The following PAPOLG variants were observed in gnomAD, a reference collection of about 807,000 sequenced individuals.
The protein encoded by PAPOLG is PAP-gamma.
In PAPOLG, 40 loss-of-function variants were observed where a neutral mutation model predicts 99.0. The ratio of observed to expected loss-of-function variants is 0.40; its 90% CI spans 0.31 to 0.53. The LOEUF (loss-of-function observed/expected upper bound fraction) is 0.53. Among genes scored for constraint, PAPOLG ranks in the 20% least tolerant of loss-of-function variants. The pLI is 0.41. For missense variants in PAPOLG, 675 were observed against 884.1 expected, an observed-to-expected ratio of 0.76 and a Z score of 3.00; for synonymous variants, 310 against 299.3, an observed-to-expected ratio of 1.04 and a Z score of -0.37.
At chr2:60,790,050 C>T (rs544153093) in intron 15 of PAPOLG, among the ~76,000 whole-genome samples, 39 of 152,234 alleles carry the variant, frequency 2.6e-4, no homozygotes, top group African/African-American at 9.2e-4. Flanking sequence ...GCTGAGATCT[C>T]GCTGTTGCAC....
intron 5 of PAPOLG, 30 bp from the exon 6 acceptor site, chr2:60,770,428 A>G (rs1231165809): frequency 2.6e-6 from 4 of 1,566,720 alleles, no homozygotes; most frequent in South Asian, 2.4e-5. Context: ...GATTACACCT[A>G]TGTGTTATAA....
At chr2:60,788,055 GAA>G (rs922658590) in intron 15 of PAPOLG, among the ~76,000 whole-genome samples, 1 of 144,958 alleles carries the variant, frequency 6.9e-6, no homozygotes, top group African/African-American at 2.5e-5. Context: ...AAGAAAAAAA[GAA>G]AAAAAAAAGC....
intron 6 of PAPOLG, 78 bp from the exon 7 acceptor site, chr2:60,771,441 A>T: frequency 6.8e-7 from 1 of 1,462,724 alleles, no homozygotes; most frequent in Non-Finnish European, 9.0e-7. Context: ...AGCTTTTCAC[A>T]TTTTTTGGTG....
chr2:60,776,254 C>T (rs1345063565), intron 8 of PAPOLG, among the ~76,000 whole-genome samples: 1 of 151,638 alleles, frequency 6.6e-6, no homozygotes, highest in African/African-American at 2.4e-5. Context: ...TTTTTCTGAG[C>T]AGTAGATCTC....
intron 16 of PAPOLG, 88 bp downstream of exon 16, chr2:60,791,970 T>C: frequency 6.7e-7 from 1 of 1,496,454 alleles, no homozygotes; most frequent in South Asian, 1.3e-5. Flanking sequence ...CCCAAACCTA[T>C]TGAGAAAAAT....
intron 6 of PAPOLG, 78 bp from the exon 7 acceptor site, chr2:60,771,441 A>G (rs1018308833): frequency 1.4e-6 from 2 of 1,462,724 alleles, no homozygotes; most frequent in East Asian, 2.5e-5. Flanking sequence ...AGCTTTTCAC[A>G]TTTTTTGGTG....
intron 1 of PAPOLG, among the ~76,000 whole-genome samples, chr2:60,758,331 T>G (rs77133563): frequency 1.5e-4 from 7 of 47,384 alleles, no homozygotes; most frequent in Non-Finnish European, 2.6e-4. Flanking sequence ...TTCTGGGGTT[T>G]TTTTTTTTTT....
intron 2 of PAPOLG, among the ~76,000 whole-genome samples, chr2:60,761,518 A>G (rs1670520755): frequency 6.6e-6 from 1 of 152,192 alleles, no homozygotes. Flanking sequence ...AAAATAGCTC[A>G]AAAACTAAAA....
At chr2:60,780,181 TA>T (rs1448330876) in intron 9 of PAPOLG, among the ~76,000 whole-genome samples, 1 of 152,002 alleles carries the variant, frequency 6.6e-6, no homozygotes, top group Non-Finnish European at 1.5e-5. Context: ...GATTCAGGTG[TA>T]AATTAGTTAC....
chr2:60,795,251 A>G (rs757064655), intron 21 of PAPOLG: 79 of 634,380 alleles, frequency 1.2e-4, no homozygotes, highest in Non-Finnish European at 2.6e-5. Context: ...TTTATTATCT[A>G]TTTAGATTAT....
chr2:60,775,396 A>G (rs1573233735), intron 8 of PAPOLG, among the ~76,000 whole-genome samples: 1 of 152,262 alleles, frequency 6.6e-6, no homozygotes, highest in East Asian at 1.9e-4. Context: ...GAAGACTGAT[A>G]CCCTCCCTGT....
chr2:60,791,746 T>A lies in PAPOLG; in HGVS notation c.1397-15T>A. ...AGAAAGAAGTTTCCCATTTAACATATTAACATTGTTACAGTGTACAGACAG... is the reference window on the plus strand; with the variant it reads ...AGAAAGAAGTTTCCCATTTAACATAATAACATTGTTACAGTGTACAGACAG... On this transcript the variant is annotated splice_polypyrimidine_tract_variant and intron_variant, in intron 15 of 21. Coordinates refer to ENST00000238714, the MANE Select transcript of PAPOLG (RefSeq NM_022894.4). The A allele has an allele frequency of 6.3e-7, 1 of 1,582,636 alleles. No individual in the cohort carries two copies. Among genetic ancestry groups the A allele is most frequent in the Non-Finnish European group, 8.5e-7 (1 of 1,170,586 alleles).
At chr2:60,774,969 G>C in intron 7 of PAPOLG, 65 bp from the exon 8 acceptor site, 3 of 1,601,090 alleles carry the variant, frequency 1.9e-6, no homozygotes, top group Non-Finnish European at 2.6e-6. Flanking sequence ...CTGGAAGTTA[G>C]GAGGGCATTT....
chr2:60,797,446 A>G lies in PAPOLG; in HGVS notation c.*286A>G, dbSNP rs529679603. 3.4e-5 allele frequency: 12 copies of G among 348,612 alleles called. No individual in the cohort carries two copies. The highest frequency in any genetic ancestry group is 2.3e-4 in the African/African-American group (11 of 47,684). 21.6% of individuals were successfully genotyped at this position (348,612 alleles called of 1,614,324 possible). On this transcript the variant is annotated 3_prime_UTR_variant, in exon 22 of 22. Transcript: ENST00000238714. ...GGGGGTTTTACTGCCTTAACTTTCA[A>G]TGCTTGTTATGGGAACCAGTTCTTA... is the stretch of plus-strand genomic sequence containing the variant.
intron 1 of PAPOLG, 146 bp downstream of exon 1, chr2:60,756,641 C>T: frequency 1.1e-6 from 1 of 883,072 alleles, no homozygotes; most frequent in South Asian, 1.8e-5. Flanking sequence ...GGCCGGTCCG[C>T]AAGGGCACCT....
chr2:60,776,160 A>G (rs904446390), intron 8 of PAPOLG, among the ~76,000 whole-genome samples: 8 of 152,338 alleles, frequency 5.3e-5, no homozygotes, highest in South Asian at 2.1e-4. Flanking sequence ...AGTAACTTTA[A>G]TCTCCTAGTA....
intron 5 of PAPOLG, 45 bp downstream of exon 5, chr2:60,768,935 C>T (rs1670765678): frequency 1.4e-6 from 2 of 1,383,338 alleles, no homozygotes; most frequent in South Asian, 1.4e-5. Flanking sequence ...AGATTAGTAA[C>T]AAATATCTAT....
chr2:60,782,664 T>TTTTTTTTTTTTTTTA, intron 11 of PAPOLG, 22 bp from the exon 12 acceptor site: 1 of 1,362,872 alleles, frequency 7.3e-7, no homozygotes, highest in Non-Finnish European at 9.5e-7. Flanking sequence ...TTTTTTTTTT[T>TTTTTTTTTTTTTTTA]TTTTTTTTTT....
chr2:60,795,166 T>A (rs1671658529), intron 21 of PAPOLG, 146 bp downstream of exon 21: 3 of 699,858 alleles, frequency 4.3e-6, no homozygotes, highest in African/African-American at 1.8e-5. Flanking sequence ...GTAGTTGGGG[T>A]TGGAGATAGC....
Sources: gnomAD v4.1 joint callset for allele counts (sites outside exome capture counted in the v4.1 genomes callset) on GRCh38, gnomAD v4.1.1 for gene constraint, MANE v1.5 for transcripts, NCBI Gene and HGNC (gene_info 2026-07-23, HGNC 2026-07-21) for gene names.